Variants in DYNC1LI1 observed in about 807,000 individuals in gnomAD.
DYNC1LI1 encodes dynein cytoplasmic 1 light intermediate chain 1, also known as cytoplasmic dynein 1 light intermediate chain 1.
In DYNC1LI1, 19 loss-of-function variants were observed where a neutral mutation model predicts 63.8. The ratio of observed to expected loss-of-function variants is 0.30; its 90% CI spans 0.21 to 0.44. The LOEUF (loss-of-function observed/expected upper bound fraction) is 0.44, where lower values mean the gene tolerates loss of function less well. Among genes scored for constraint, DYNC1LI1 ranks in the 20% least tolerant of loss-of-function variants. The probability of loss-of-function intolerance (pLI) is 1.00; values close to 1 mark genes in which losing one functional copy is unlikely to be tolerated. For synonymous variants in DYNC1LI1, 225 were observed against 232.3 expected (o/e 0.97, Z 0.28); for missense variants, 565 against 630.2 (o/e 0.90, Z 1.11).
At position 32,544,929 on chromosome 3, in the gene DYNC1LI1, T is replaced by C. The variant is rs140121300; in HGVS notation, c.515A>G (p.His172Arg). ...LQKWASVVREHVDKLKIPPEE... is the reference protein window; with the variant it reads ...LQKWASVVRERVDKLKIPPEE... Reference sequence around the variant, plus strand: ...AGGAGGGATTTTCAGTTTGTCAACATGTTCTCTAACAACACTTGCCCATTT... The same window carrying C: ...AGGAGGGATTTTCAGTTTGTCAACACGTTCTCTAACAACACTTGCCCATTT... Residue 172 changes from histidine (H) to arginine (R), a missense_variant, in exon 4 of 13, where the codon CAT (histidine) becomes CGT (arginine). Transcript: ENST00000273130. The C allele has an allele frequency of 8.2e-5, 133 of 1,614,110 alleles. No homozygotes were observed. In the African/African-American group the frequency reaches 1.4e-3, roughly 17 times the overall value.
Position 32,570,416 on chromosome 3 carries a change from G to C in DYNC1LI1, c.150C>G (p.Ser50=), listed in dbSNP as rs779540123. 5 of 1,599,212 alleles carry C rather than the reference G, an allele frequency of 3.1e-6. No homozygotes were observed. The Admixed American group carries it at 8.5e-5, about 27-fold the overall frequency. The change falls in exon 2 of 13, where the codon TCC becomes TCG. Residue 50 remains serine (S), a synonymous_variant. Coordinates refer to ENST00000273130, the MANE Select transcript of DYNC1LI1 (RefSeq NM_016141.4). ...GGGTGGAGACCTCGCTGAGGATGCA[G>C]GACCTAACGGGAAGCAAGGCGTACG... The part of the protein sequence containing the change: ...GDDEDGQNLW[S]CILSEVSTRS...
intron 2 of DYNC1LI1, among the ~76,000 whole-genome samples, chr3:32,557,517 C>A (rs1292637454): frequency 6.7e-6 from 1 of 149,690 alleles, no homozygotes; most frequent in Non-Finnish European, 1.5e-5. Flanking sequence ...AGCAAGACTC[C>A]GTCTCAAAAA....
intron 10 of DYNC1LI1, 130 bp from the exon 11 acceptor site, chr3:32,529,790 G>A: frequency 2.7e-6 from 2 of 727,298 alleles, no homozygotes; most frequent in Non-Finnish European, 4.2e-6. Context: ...GCAAGCCATT[G>A]ACAAAATTGT....
chr3:32,562,007 G>C (rs147298825), intron 2 of DYNC1LI1, among the ~76,000 whole-genome samples: 1 of 152,084 alleles, frequency 6.6e-6, no homozygotes, highest in Non-Finnish European at 1.5e-5. Context: ...GTTAATAGAC[G>C]CTCATACCTA....
chr3:32,539,847 ATT>A (rs996340410), intron 5 of DYNC1LI1, among the ~76,000 whole-genome samples: 21 of 141,160 alleles, frequency 1.5e-4, no homozygotes, highest in African/African-American at 5.6e-4. Flanking sequence ...TCTATTAATT[ATT>A]TTTATTTATG....
intron 2 of DYNC1LI1, among the ~76,000 whole-genome samples, chr3:32,546,559 A>G (rs908137421): frequency 1.3e-5 from 2 of 152,244 alleles, no homozygotes; most frequent in African/African-American, 4.8e-5. Flanking sequence ...CTTAGGTTTC[A>G]GGAATTTCCA....
At chr3:32,540,474 G>A (rs1251787912) in intron 5 of DYNC1LI1, among the ~76,000 whole-genome samples, 1 of 151,894 alleles carries the variant, frequency 6.6e-6, no homozygotes. Context: ...GAGGTCAAGA[G>A]TTTGAGACCA....
intron 2 of DYNC1LI1, among the ~76,000 whole-genome samples, chr3:32,558,184 G>A (rs1346240355): frequency 4.0e-5 from 6 of 151,878 alleles, no homozygotes; most frequent in Non-Finnish European, 8.8e-5. Flanking sequence ...AGTGAGCTGT[G>A]ACTGCACCAC....
intron 2 of DYNC1LI1, among the ~76,000 whole-genome samples, chr3:32,553,711 C>T (rs1175050544): frequency 2.0e-5 from 3 of 152,176 alleles, no homozygotes; most frequent in African/African-American, 7.2e-5. Context: ...AGTATCCTGC[C>T]AACTGTAACT....
intron 2 of DYNC1LI1, among the ~76,000 whole-genome samples, chr3:32,563,354 G>A (rs1055391742): frequency 3.4e-5 from 5 of 147,496 alleles, no homozygotes; most frequent in African/African-American, 5.0e-5. Flanking sequence ...GCGGTGGCAC[G>A]ATCTCGGCTC....
At position 32,570,823 on chromosome 3, in the gene DYNC1LI1, A is replaced by G; in HGVS notation, c.-53T>C. ...CAAGACTAAATGTGCGAGGCGGCTGAGGCGGTGGCGGTGGAGGCGGCGGGA... is the reference window on the plus strand; with the variant it reads ...CAAGACTAAATGTGCGAGGCGGCTGGGGCGGTGGCGGTGGAGGCGGCGGGA... On this transcript the variant is annotated 5_prime_UTR_variant, in exon 1 of 13. Coordinates refer to ENST00000273130, the MANE Select transcript of DYNC1LI1 (RefSeq NM_016141.4). 1.3e-6 allele frequency: 2 copies of G among 1,531,574 alleles called. No individual in the cohort carries two copies. Among genetic ancestry groups the G allele is most frequent in the Admixed American group, 1.9e-5 (1 of 53,252 alleles). 94.9% of individuals were successfully genotyped at this position (1,531,574 alleles called of 1,614,324 possible). A position where few individuals can be genotyped will look rare whatever the true frequency, so the allele number is the denominator to read the frequency against.
intron 5 of DYNC1LI1, among the ~76,000 whole-genome samples, chr3:32,540,685 A>C (rs528643377): frequency 7.3e-5 from 11 of 151,576 alleles, no homozygotes; most frequent in African/African-American, 2.7e-4. Context: ...CCGTCTCAAA[A>C]AAAAAAAAAA....
At chr3:32,549,299 T>C (rs544714770) in intron 2 of DYNC1LI1, among the ~76,000 whole-genome samples, 7 of 151,280 alleles carry the variant, frequency 4.6e-5, no homozygotes, top group Admixed American at 2.0e-4. Context: ...GTATATCTAG[T>C]TGCCTCAGCA....
In DYNC1LI1 at chr3:32,544,857, C is replaced by T; in HGVS notation, c.568+19G>A. The T allele has an allele frequency of 1.3e-6, 2 of 1,532,290 alleles. No individual in the cohort carries two copies. Among genetic ancestry groups the T allele is most frequent in the Non-Finnish European group, 1.8e-6 (2 of 1,107,230 alleles). 94.9% of individuals were successfully genotyped at this position (1,532,290 alleles called of 1,614,324 possible). A position where few individuals can be genotyped will look rare whatever the true frequency, so the allele number is the denominator to read the frequency against. ...CATTTTGTATTTGAAACCTACATTA[C>T]TGTTTCTAGATTACTTACACTTTTG... On this transcript the variant is annotated intron_variant, in intron 4 of 12. Transcript: ENST00000273130.
intron 12 of DYNC1LI1, 34 bp downstream of exon 12, chr3:32,528,412 T>C (rs1190609702): frequency 1.9e-6 from 3 of 1,613,032 alleles, no homozygotes; most frequent in Non-Finnish European, 2.5e-6. Flanking sequence ...AAAGCTGTTA[T>C]TTTAAACAAG....
At chr3:32,529,259 T>C (rs78539603) in intron 11 of DYNC1LI1, among the ~76,000 whole-genome samples, 3,235 of 152,304 alleles carry the variant, frequency 0.021, 182 homozygotes, top group East Asian at 0.21. Flanking sequence ...TTTATGTTAA[T>C]TGCAGATTAC....
chr3:32,537,926 AAT>A lies in DYNC1LI1; in HGVS notation c.739-824_739-823del, dbSNP rs1222233432. Among the ~76,000 whole-genome samples, 80 of 24,848 alleles carry A rather than the reference AAT, an allele frequency of 3.2e-3. 5 individuals carry two copies. Among genetic ancestry groups the A allele is most frequent in the South Asian group, 7.0e-3 (9 of 1,284 alleles). 16.3% of individuals were successfully genotyped at this position (24,848 alleles called of 152,430 possible). A position where few individuals can be genotyped will look rare whatever the true frequency, so the allele number is the denominator to read the frequency against. ...ATATATATATATAATTTATATATAT[AAT>A]ATATATATAATATATATATAATTTA... On this transcript the variant is annotated intron_variant, in intron 5 of 12. Transcript: ENST00000273130.
intron 2 of DYNC1LI1, among the ~76,000 whole-genome samples, chr3:32,563,687 T>C (rs938161914): frequency 1.1e-4 from 17 of 152,230 alleles, no homozygotes; most frequent in African/African-American, 4.1e-4. Flanking sequence ...CTAAGTGCTT[T>C]TACTGACATT....
At chr3:32,527,519 T>A (rs1034136034) in intron 12 of DYNC1LI1, among the ~76,000 whole-genome samples, 1 of 152,090 alleles carries the variant, frequency 6.6e-6, no homozygotes, top group South Asian at 2.1e-4. Context: ...AATAAAAATG[T>A]GGCAAGGATA....
Sources: allele counts gnomAD v4.1 joint callset (sites outside exome capture counted in the v4.1 genomes callset), GRCh38; gene constraint gnomAD v4.1.1; transcripts MANE v1.5; gene names NCBI Gene and HGNC (gene_info 2026-07-23, HGNC 2026-07-21).